The following GNAL variants were observed in gnomAD, a reference collection of about 807,000 sequenced individuals.
The protein encoded by GNAL is guanine nucleotide-binding protein G(olf) subunit alpha.
GNAL carries 18 observed loss-of-function variants against 55.1 expected under a neutral mutation model. The observed-to-expected ratio is 0.33, with a 90% CI of 0.23 to 0.48. GNAL has a LOEUF of 0.48. GNAL is among the 20% of genes least tolerant of loss of function. The pLI, the probability that GNAL is intolerant of heterozygous loss-of-function variation, is 0.99. For missense variants in GNAL, 412 were observed against 614.1 expected, an observed-to-expected ratio of 0.67 and a Z score of 3.48; for synonymous variants, 253 against 237.0, an observed-to-expected ratio of 1.07 and a Z score of -0.62.
chr18:11,850,779 T>C (rs931920158), intron 5 of GNAL, among the ~76,000 whole-genome samples: 1 of 152,210 alleles, frequency 6.6e-6, no homozygotes. Context: ...ACCTAGAAGC[T>C]GAACTTCCAG....
chr18:11,798,124 TCTGGAGG>T (rs1295267715), intron 4 of GNAL, among the ~76,000 whole-genome samples: 1 of 152,176 alleles, frequency 6.6e-6, no homozygotes, highest in Admixed American at 6.5e-5. Flanking sequence ...TCCCAGTTAC[TCTGGAGG>T]CTGAGGCAGG....
intron 4 of GNAL, among the ~76,000 whole-genome samples, chr18:11,773,514 C>G (rs563501215): frequency 9.2e-5 from 14 of 152,052 alleles, no homozygotes; most frequent in Non-Finnish European, 2.1e-4. Context: ...CCCTTTAATC[C>G]CAGCACTTGG....
chr18:11,852,776 G>A (rs2035911316), intron 5 of GNAL: 1 of 166,706 alleles, frequency 6.0e-6, no homozygotes, highest in African/African-American at 2.4e-5. Flanking sequence ...CGTGATAATT[G>A]TCTTTGCGTA....
At chr18:11,761,834 G>A (rs2033253677) in intron 4 of GNAL, among the ~76,000 whole-genome samples, 1 of 152,230 alleles carries the variant, frequency 6.6e-6, no homozygotes, top group African/African-American at 2.4e-5. Flanking sequence ...TTCACAAATA[G>A]TTAGATGTCC....
intron 10 of GNAL, 116 bp from the exon 11 acceptor site, chr18:11,876,505 G>A: frequency 4.1e-6 from 3 of 724,276 alleles, no homozygotes; most frequent in Non-Finnish European, 7.5e-6. Flanking sequence ...TGCTGTACAT[G>A]TATTTTAATG....
intron 4 of GNAL, among the ~76,000 whole-genome samples, chr18:11,786,436 C>CTT (rs66803403): frequency 0.055 from 3,378 of 60,870 alleles, 1,039 homozygotes; most frequent in African/African-American, 0.082. Flanking sequence ...CATACGTTTT[C>CTT]TTTTTTTTTT....
chr18:11,823,660 T>C (rs1598408406), intron 4 of GNAL, among the ~76,000 whole-genome samples: 1 of 152,312 alleles, frequency 6.6e-6, no homozygotes, highest in East Asian at 1.9e-4. Context: ...CCAGTCCTTC[T>C]TTTTTTCTCC....
At chr18:11,746,419 G>A (rs1033187353) in intron 1 of GNAL, 1 of 259,248 alleles carries the variant, frequency 3.9e-6, no homozygotes, top group African/African-American at 2.2e-5. Flanking sequence ...AGACCAGCTT[G>A]GGCAACATAG....
intron 1 of GNAL, among the ~76,000 whole-genome samples, chr18:11,692,534 A>G (rs1233754142): frequency 1.3e-5 from 2 of 152,190 alleles, no homozygotes; most frequent in East Asian, 1.9e-4. Context: ...TCGTTAAACC[A>G]TTGTTGGTGT....
chr18:11,723,528 C>G (rs182834171), intron 1 of GNAL, among the ~76,000 whole-genome samples: 1 of 152,214 alleles, frequency 6.6e-6, no homozygotes, highest in Non-Finnish European at 1.5e-5. Context: ...ATAACTACCC[C>G]CATTTATTAC....
chr18:11,725,985 G>A (rs542775077), intron 1 of GNAL, among the ~76,000 whole-genome samples: 2 of 152,290 alleles, frequency 1.3e-5, no homozygotes, highest in African/African-American at 2.4e-5. Flanking sequence ...GTGACCGTTC[G>A]GTCCCAGCAC....
chr18:11,722,691 A>G (rs2032123028), intron 1 of GNAL, among the ~76,000 whole-genome samples: 2 of 152,138 alleles, frequency 1.3e-5, no homozygotes. Context: ...CCTACCCAAC[A>G]TGATGAAACC....
rs769378775 is a variant in GNAL at position 11,881,045 on chromosome 18, C to T, written c.1287C>T (p.Cys429=). The T allele has an allele frequency of 2.9e-5, 46 of 1,613,886 alleles. No homozygotes were observed. The East Asian group carries it at 9.8e-4, about 34-fold the overall frequency. The part of the protein sequence containing the change: ...GKHYCYPHFT[C]AVDTENIRRV... ...ATTACTGCTACCCGCACTTCACCTGCGCCGTGGACACAGAGAACATCCGCA... is the reference window on the plus strand; with the variant it reads ...ATTACTGCTACCCGCACTTCACCTGTGCCGTGGACACAGAGAACATCCGCA... Residue 429 remains cysteine, a synonymous_variant, in exon 12 of 12, where the codon TGC becomes TGT. Coordinates refer to ENST00000334049, the MANE Select transcript of GNAL (RefSeq NM_182978.4). The surrounding 1 kb of genome is among the most constrained non-coding windows in gnomAD (Gnocchi z 4.8).
chr18:11,745,116 CTATT>C lies in GNAL; in HGVS notation c.377-7736_377-7733del, dbSNP rs542308714. ...GAAGACCAGTTATTACATTTTCTAT[CTATT>C]GTTTTTTTATTAAAATTTAATGTAT... is the stretch of plus-strand genomic sequence containing the variant. On this transcript the variant is annotated intron_variant, in intron 1 of 11. Transcript: ENST00000334049. Among the ~76,000 whole-genome samples, 878 of 152,304 alleles carry C rather than the reference CTATT, an allele frequency of 5.8e-3. 3 individuals are homozygous for C. Among genetic ancestry groups the C allele is most frequent in the Middle Eastern group, 0.017 (5 of 294 alleles).
chr18:11,738,989 T>TG (rs1224396288), intron 1 of GNAL, among the ~76,000 whole-genome samples: 1 of 152,152 alleles, frequency 6.6e-6, no homozygotes, highest in African/African-American at 2.4e-5. Context: ...CCTTATTTCA[T>TG]GCGATCAGTG....
chr18:11,797,184 G>A (rs531072263), intron 4 of GNAL, among the ~76,000 whole-genome samples: 1 of 152,230 alleles, frequency 6.6e-6, no homozygotes, highest in Non-Finnish European at 1.5e-5. Context: ...CACCCCCCTT[G>A]GCCTCCCAAA....
intron 1 of GNAL, among the ~76,000 whole-genome samples, chr18:11,747,818 G>A (rs2032724400): frequency 6.6e-6 from 1 of 152,196 alleles, no homozygotes; most frequent in South Asian, 2.1e-4. Flanking sequence ...TTCTCCACGA[G>A]GTGACCAGGA....
intron 6 of GNAL, among the ~76,000 whole-genome samples, chr18:11,862,667 C>T (rs1167542893): frequency 1.3e-5 from 2 of 152,176 alleles, no homozygotes; most frequent in Non-Finnish European, 2.9e-5. Flanking sequence ...AAATTGCCAG[C>T]ATGCAAATGA....
intron 5 of GNAL, among the ~76,000 whole-genome samples, chr18:11,840,190 G>T (rs1048727053): frequency 6.6e-6 from 1 of 152,160 alleles, no homozygotes; most frequent in Admixed American, 6.6e-5. Flanking sequence ...ACAATTAAGT[G>T]CATGGGATGC....
Sources: allele counts gnomAD v4.1 joint callset (sites outside exome capture counted in the v4.1 genomes callset), GRCh38; gene constraint gnomAD v4.1.1; non-coding constraint Gnocchi (gnomAD v3.1); transcripts MANE v1.5; gene names NCBI Gene and HGNC (gene_info 2026-07-23, HGNC 2026-07-21).